CADPS2: variants seen among roughly 807,000 people sequenced by gnomAD.
CADPS2 encodes the protein calcium-dependent secretion activator 2.
A neutral mutation model predicts 172.5 loss-of-function variants in CADPS2; 93 were observed. That is an observed-to-expected ratio of 0.54 (90% CI 0.46 to 0.64). The LOEUF (loss-of-function observed/expected upper bound fraction) is 0.64. Among genes scored for constraint, CADPS2 ranks in the 30% least tolerant of loss-of-function variants. The probability of loss-of-function intolerance (pLI) is 0.00; values close to 1 mark genes in which losing one functional copy is unlikely to be tolerated. For synonymous variants in CADPS2, 546 were observed against 555.2 expected (o/e 0.98, Z 0.23); for missense variants, 1,420 against 1,565.9 (o/e 0.91, Z 1.57).
At chr7:122,540,122 T>A (rs2062768084) in intron 8 of CADPS2, among the ~76,000 whole-genome samples, 1 of 152,104 alleles carries the variant, frequency 6.6e-6, no homozygotes, top group Non-Finnish European at 1.5e-5. Context: ...GTCCACTGAA[T>A]CATGACTACA....
chr7:122,561,539 C>T (rs562334647), intron 7 of CADPS2, among the ~76,000 whole-genome samples: 19 of 152,102 alleles, frequency 1.2e-4, no homozygotes, highest in Non-Finnish European at 2.5e-4. Context: ...TCCAGTTTTT[C>T]CTGACATCTC....
intron 9 of CADPS2, among the ~76,000 whole-genome samples, chr7:122,502,103 G>A (rs766362139): frequency 1.4e-4 from 21 of 152,084 alleles, no homozygotes; most frequent in Non-Finnish European, 2.8e-4. Context: ...ATCACTAAAG[G>A]TGTTGGAGAA....
intron 1 of CADPS2, among the ~76,000 whole-genome samples, chr7:122,871,474 A>C (rs924122317): frequency 6.7e-6 from 1 of 149,272 alleles, no homozygotes; most frequent in African/African-American, 2.4e-5. Flanking sequence ...CCCCCCCACA[A>C]AAAAAAAACA....
chr7:122,863,867 T>C (rs1243438823), intron 1 of CADPS2, among the ~76,000 whole-genome samples: 1 of 152,082 alleles, frequency 6.6e-6, no homozygotes, highest in Non-Finnish European at 1.5e-5. Context: ...CCATCTCTAC[T>C]AAAAATACAA....
At chr7:122,690,942 G>A (rs1390674471) in intron 2 of CADPS2, among the ~76,000 whole-genome samples, 1 of 152,106 alleles carries the variant, frequency 6.6e-6, no homozygotes, top group African/African-American at 2.4e-5. Flanking sequence ...TTAGGAATGG[G>A]GGGATACCAT....
intron 1 of CADPS2, among the ~76,000 whole-genome samples, chr7:122,825,558 A>T (rs1417353586): frequency 6.6e-6 from 1 of 152,232 alleles, no homozygotes; most frequent in East Asian, 1.9e-4. Context: ...TACTTACAGA[A>T]GCAGAGAAAG....
In CADPS2 at chr7:122,732,814, AATG is replaced by A. The variant is rs1246592529; in HGVS notation, c.453+4138_453+4140del. On this transcript the variant is annotated intron_variant, in intron 2 of 29. Transcript: ENST00000449022. The stretch of plus-strand genomic sequence containing the variant: ...TATATACATTATATATTATATACAT[AATG>A]TATATTATATATAATATACATTATA... 7.8e-3 allele frequency among the ~76,000 whole-genome samples: 1,112 copies of A among 142,158 alleles called. 12 individuals are homozygous for A. Among genetic ancestry groups the A allele is most frequent in the African/African-American group, 0.027 (1,048 of 38,816 alleles). The allele number at this position is 142,158 out of a possible 152,430, so 93.3% of individuals were successfully genotyped here.
chr7:122,779,502 C>T (rs974442530), intron 1 of CADPS2, among the ~76,000 whole-genome samples: 15 of 152,178 alleles, frequency 9.9e-5, no homozygotes, highest in Non-Finnish European at 1.9e-4. Context: ...AAAGGCCAAG[C>T]TCAAATCTGC....
intron 2 of CADPS2, among the ~76,000 whole-genome samples, chr7:122,704,878 A>C (rs932968937): frequency 2.0e-5 from 3 of 152,024 alleles, no homozygotes; most frequent in African/African-American, 7.2e-5. Context: ...TAGCGAGTAC[A>C]CACCAGCGTT....
At chr7:122,404,518 T>A (rs980753746) in intron 20 of CADPS2, among the ~76,000 whole-genome samples, 1 of 152,194 alleles carries the variant, frequency 6.6e-6, no homozygotes, top group Non-Finnish European at 1.5e-5. Context: ...AGTAATGCGA[T>A]TGCTGGGTCA....
At chr7:122,468,960 A>G (rs2055534741) in intron 14 of CADPS2, among the ~76,000 whole-genome samples, 2 of 152,180 alleles carry the variant, frequency 1.3e-5, no homozygotes, top group Admixed American at 1.3e-4. Context: ...TTCGATTCTA[A>G]AAGACTACCA....
chr7:122,367,242 T>C (rs747925822), intron 25 of CADPS2, among the ~76,000 whole-genome samples: 69 of 152,166 alleles, frequency 4.5e-4, no homozygotes, highest in Non-Finnish European at 9.3e-4. Context: ...CTATCTATCC[T>C]ATTCTTAAGA....
At chr7:122,801,491 G>T (rs930411853) in intron 1 of CADPS2, among the ~76,000 whole-genome samples, 1 of 152,228 alleles carries the variant, frequency 6.6e-6, no homozygotes, top group South Asian at 2.1e-4. Context: ...AGTATTCAAG[G>T]TCCTTCATTT....
intron 2 of CADPS2, chr7:122,698,341 G>C (rs758215324): frequency 5.6e-6 from 9 of 1,613,684 alleles, no homozygotes; most frequent in Admixed American, 1.7e-5. Flanking sequence ...AATCACAAAA[G>C]AGACCAAATA....
At chr7:122,583,563 T>C (rs1003265914) in intron 6 of CADPS2, among the ~76,000 whole-genome samples, 1 of 151,396 alleles carries the variant, frequency 6.6e-6, no homozygotes, top group Admixed American at 6.6e-5. Flanking sequence ...GACACACACA[T>C]AAATATATCA....
chr7:122,867,185 C>A (rs1818536339), intron 1 of CADPS2, among the ~76,000 whole-genome samples: 1 of 152,106 alleles, frequency 6.6e-6, no homozygotes, highest in Non-Finnish European at 1.5e-5. Context: ...CAGTTACTCT[C>A]CCTTAAGAGG....
chr7:122,734,291 A>C (rs13232552), intron 2 of CADPS2, among the ~76,000 whole-genome samples: 1 of 143,022 alleles, frequency 7.0e-6, no homozygotes, highest in South Asian at 2.2e-4. Flanking sequence ...TGAAGTGCCC[A>C]CAGTACCTGA....
At chr7:122,697,818 T>C (rs749526613) in intron 2 of CADPS2, 1 of 1,596,022 alleles carries the variant, frequency 6.3e-7, no homozygotes, top group Non-Finnish European at 8.5e-7. Context: ...CTTCCACTAC[T>C]GAATGAGGCT....
chr7:122,403,916 A>G (rs1414344534), intron 20 of CADPS2, among the ~76,000 whole-genome samples: 2 of 152,228 alleles, frequency 1.3e-5, no homozygotes, highest in African/African-American at 2.4e-5. Context: ...TTCTCTATAA[A>G]ATAAATTACA....
Sources: gnomAD v4.1 joint callset for allele counts (sites outside exome capture counted in the v4.1 genomes callset) on GRCh38, gnomAD v4.1.1 for gene constraint, MANE v1.5 for transcripts, NCBI Gene and HGNC (gene_info 2026-07-23, HGNC 2026-07-21) for gene names.